Variants in ARHGEF40 observed in about 807,000 individuals in gnomAD.
ARHGEF40 encodes Rho guanine nucleotide exchange factor 40, also known as Rho guanine nucleotide exchange factor (GEF) 40.
ARHGEF40 carries 98 observed loss-of-function variants against 165.9 expected under a neutral mutation model. The ratio of observed to expected loss-of-function variants is 0.59; its 90% CI spans 0.50 to 0.70. The LOEUF (loss-of-function observed/expected upper bound fraction) is 0.70. Among genes scored for constraint, ARHGEF40 ranks in the 30% least tolerant of loss-of-function variants. The pLI, the probability that ARHGEF40 is intolerant of heterozygous loss-of-function variation, is 0.00. For missense variants in ARHGEF40, 1,815 were observed against 1,968.0 expected (o/e 0.92, Z 1.47); for synonymous variants, 792 against 814.3 (o/e 0.97, Z 0.47).
upstream of ARHGEF40, among the ~76,000 whole-genome samples, chr14:21,066,742 GGCAAGA>G (rs1405294538): frequency 2.0e-5 from 3 of 152,232 alleles, no homozygotes; most frequent in Admixed American, 1.3e-4. Context: ...TGCTAGCACA[GGCAAGA>G]TGCTGGTGGT....
chr14:21,066,557 C>T (rs1566513031), upstream of ARHGEF40, among the ~76,000 whole-genome samples: 1 of 152,178 alleles, frequency 6.6e-6, no homozygotes, highest in Non-Finnish European at 1.5e-5. Flanking sequence ...GATGGTGTTG[C>T]TCTCTTGACC....
At position 21,082,278 on chromosome 14, in the gene ARHGEF40, T is replaced by C; in HGVS notation, c.3286T>C (p.Cys1096Arg). 6.2e-7 allele frequency: 1 copy of C among 1,612,632 alleles called. No individual in the cohort carries two copies. Among genetic ancestry groups the C allele is most frequent in the South Asian group, 1.1e-5 (1 of 90,976 alleles). ...QQRLVSELIA[C>R]EQDYVATLSE... is the part of the protein sequence containing the mutation. ...GCGGCTGGTGTCTGAGCTGATTGCC[T>C]GTGAACAAGATTACGTGGCCACCTT... Residue 1096 changes from cysteine (C) to arginine (R), a missense_variant, in exon 15 of 24, where the codon TGT (cysteine) becomes CGT (arginine). By Grantham distance (180) the Cys-to-Arg change is radical. Transcript: ENST00000298694.
At position 21,081,685 on chromosome 14, in the gene ARHGEF40, C is replaced by T; in HGVS notation, c.2817C>T (p.Gly939=). 2 of 1,588,924 alleles carry T rather than the reference C, an allele frequency of 1.3e-6. No individual in the cohort carries two copies. The highest frequency in any genetic ancestry group is 8.6e-7 in the Non-Finnish European group (1 of 1,168,008). The change falls in exon 14 of 24, where the codon GGC becomes GGT. Residue 939 remains glycine, a synonymous_variant. Transcript: ENST00000298694. Reference sequence around the variant, plus strand: ...GCCCAGCAGCCCTGCGAGAATGGGGCCGCTGCCAGGCCCGCTGCCAAGAGC... The same window carrying T: ...GCCCAGCAGCCCTGCGAGAATGGGGTCGCTGCCAGGCCCGCTGCCAAGAGC... ...LGSPAALREW[G]RCQARCQELE... is the part of the protein sequence containing the mutation.
chr14:21,087,544 T>C lies in ARHGEF40; in HGVS notation c.4387+81T>C, dbSNP rs563971147. 31 of 1,548,564 alleles carry C rather than the reference T, an allele frequency of 2.0e-5. No homozygotes were observed. In the African/African-American group the frequency reaches 4.0e-4, roughly 20 times the overall value. ...AGGCTGCTTGCTGCTGAGCAATTCC[T>C]TTTTCTAGCCAAGAAGCCCAGTTGC... is the stretch of plus-strand genomic sequence containing the variant. On this transcript the variant is annotated intron_variant, in intron 21 of 23. Transcript: ENST00000298694.
Position 21,081,644 on chromosome 14 carries a change from G to C in ARHGEF40, c.2776G>C (p.Ala926Pro). The C allele has an allele frequency of 6.2e-7, 1 of 1,608,652 alleles. No homozygotes were observed. The highest frequency in any genetic ancestry group is 8.5e-7 in the Non-Finnish European group (1 of 1,178,212). ...CACCTTCCAGGAGATGCGGGCCCTG[G>C]CCCTGGACCTGGGCAGCCCAGCAGC... ...AGTFQEMRAL[A>P]LDLGSPAALR... The change falls in exon 14 of 24, where the codon GCC becomes CCC. Residue 926 changes from alanine (A) to proline (P), a missense_variant. Ala to Pro is a conservative substitution (Grantham distance 27). Coordinates refer to ENST00000298694, the MANE Select transcript of ARHGEF40 (RefSeq NM_018071.5).
Position 21,087,063 on chromosome 14 carries a change from G to GCC in ARHGEF40, c.4203_4204dup (p.Leu1402ProfsTer7). The GCC allele has an allele frequency of 6.2e-7, 1 of 1,608,608 alleles. No homozygotes were observed. Among genetic ancestry groups the GCC allele is most frequent in the Non-Finnish European group, 8.5e-7 (1 of 1,177,368 alleles). On this transcript the variant is annotated frameshift_variant, in exon 20 of 24. Coordinates refer to ENST00000298694, the MANE Select transcript of ARHGEF40 (RefSeq NM_018071.5). LOFTEE classifies it high-confidence loss of function. The stretch of plus-strand genomic sequence containing the variant: ...GAATAAACCCTTCCTGGACATCAAA[G>GCC]CCCTTGGGGAGCGGACGCTGAGTGC...
chr14:21,082,410 C>T lies in ARHGEF40; in HGVS notation c.3418C>T (p.His1140Tyr). 1.2e-6 allele frequency: 2 copies of T among 1,611,466 alleles called. No homozygotes were observed. Among genetic ancestry groups the T allele is most frequent in the South Asian group, 2.2e-5 (2 of 91,036 alleles). Residue 1140 changes from histidine (H) to tyrosine (Y), a missense_variant, in exon 15 of 24, where the codon CAC (histidine) becomes TAC (tyrosine). By Grantham distance (83) the His-to-Tyr change is moderately conservative (BLOSUM62 2). Coordinates refer to ENST00000298694, the MANE Select transcript of ARHGEF40 (RefSeq NM_018071.5). ...RERLRSFHRT[H>Y]FLRELQGCAT... is the part of the protein sequence containing the mutation. ...AAGGCTTCGCAGCTTCCACCGGACA[C>T]ACTTTCTGCGGGAGCTTCAGGGCTG...
At chr14:21,081,155 C>T (rs1887857544) in intron 13 of ARHGEF40, 139 bp downstream of exon 13, 1 of 1,355,908 alleles carries the variant, frequency 7.4e-7, no homozygotes, top group African/African-American at 1.5e-5. Context: ...GCTCTGCCAC[C>T]TCCTTGCTGA....
In ARHGEF40 at chr14:21,074,971, T is replaced by C. The variant is rs1179091947; in HGVS notation, c.1241T>C (p.Leu414Pro). The C allele has an allele frequency of 1.2e-6, 2 of 1,611,238 alleles. No individual in the cohort carries two copies. The highest frequency in any genetic ancestry group is 2.7e-5 in the African/African-American group (2 of 74,580). The change falls in exon 3 of 24, where the codon CTT (leucine) becomes CCT (proline). Residue 414 changes from leucine (L) to proline (P), a missense_variant. Physicochemically the swap from Leu to Pro is moderately conservative, Grantham distance 98 (BLOSUM62 -3). Transcript: ENST00000298694. The surrounding 1 kb of genome is among the most constrained non-coding windows in gnomAD (Gnocchi z 4.8). ...DKEDASHQEA[L>P]GNLPSPSEHK... The stretch of plus-strand genomic sequence containing the variant: ...GAAGATGCCAGCCACCAAGAAGCCC[T>C]TGGCAATCTGCCCTCACCAAGTGAG...
At chr14:21,076,952 C>T (rs1456539524) in intron 8 of ARHGEF40, 62 bp downstream of exon 8, 5 of 1,428,042 alleles carry the variant, frequency 3.5e-6, no homozygotes, top group Non-Finnish European at 4.9e-6. Flanking sequence ...TGAAGACATT[C>T]TAGGAGAGAG....
intron 8 of ARHGEF40, 91 bp from the exon 9 acceptor site, chr14:21,078,086 A>G: frequency 8.5e-7 from 1 of 1,181,538 alleles, no homozygotes; most frequent in Non-Finnish European, 1.2e-6. Context: ...TGCCTCCATA[A>G]AAGTCTCTGG....
At chr14:21,080,550 T>C in intron 11 of ARHGEF40, 110 bp from the exon 12 acceptor site, 1 of 1,237,582 alleles carries the variant, frequency 8.1e-7, no homozygotes, top group Non-Finnish European at 1.1e-6. Flanking sequence ...TGAGATGCAA[T>C]AGTTCACTCA....
chr14:21,070,671 C>A lies in ARHGEF40; in HGVS notation c.3+272C>A, dbSNP rs58394869. ...GGTCTCTCCCCTAATCCACACACCT[C>A]CCCGCTCCCCGCCCTCCTCTGTCCT... On this transcript the variant is annotated intron_variant, in intron 1 of 23. Coordinates refer to ENST00000298694, the MANE Select transcript of ARHGEF40 (RefSeq NM_018071.5). This position sits in a 1 kb window ranked among gnomAD's most constrained non-coding sequence, Gnocchi z 4.7. 6.6e-6 allele frequency among the ~76,000 whole-genome samples: 1 copy of A among 152,254 alleles called. No individual in the cohort carries two copies. The highest frequency in any genetic ancestry group is 2.4e-5 in the African/African-American group (1 of 41,560).
At chr14:21,080,625 C>G (rs1317807618) in intron 11 of ARHGEF40, 35 bp from the exon 12 acceptor site, 32 of 1,593,382 alleles carry the variant, frequency 2.0e-5, no homozygotes, top group Non-Finnish European at 2.6e-5. Context: ...CTTTCCACTC[C>G]ATGACCCCCT....
At chr14:21,087,578 C>A in intron 21 of ARHGEF40, 115 bp downstream of exon 21, 1 of 1,411,298 alleles carries the variant, frequency 7.1e-7, no homozygotes, top group Non-Finnish European at 9.5e-7. Flanking sequence ...GCCATGACAA[C>A]TATGTACAGC....
intron 11 of ARHGEF40, among the ~76,000 whole-genome samples, chr14:21,079,869 G>A (rs1887732867): frequency 6.6e-6 from 1 of 152,126 alleles, no homozygotes; most frequent in African/African-American, 2.4e-5. Flanking sequence ...AGTCTAACGT[G>A]CTCAGCTTGA....
In ARHGEF40 at chr14:21,075,254, G is replaced by A. The variant is rs1887315932; in HGVS notation, c.1450+74G>A. 1 of 1,591,278 alleles carries A rather than the reference G, an allele frequency of 6.3e-7. No individual in the cohort carries two copies. Among genetic ancestry groups the A allele is most frequent in the Non-Finnish European group, 8.6e-7 (1 of 1,169,260 alleles). ...GGGCCTATGGGAGGGGGCAGGAGGA[G>A]GAGCAGGGTTAGGCTGGGAGCAGAA... is the stretch of plus-strand genomic sequence containing the variant. On this transcript the variant is annotated intron_variant, in intron 3 of 23. Transcript: ENST00000298694. The surrounding 1 kb of genome is among the most constrained non-coding windows in gnomAD (Gnocchi z 4.5).
chr14:21,084,145 A>C, intron 17 of ARHGEF40, 95 bp downstream of exon 17: 1 of 1,289,902 alleles, frequency 7.8e-7, no homozygotes, highest in Non-Finnish European at 1.1e-6. Context: ...GCTCCAGGTC[A>C]GAGGGCTCCA....
intron 19 of ARHGEF40, 58 bp downstream of exon 19, chr14:21,085,924 T>C: frequency 1.3e-6 from 2 of 1,589,940 alleles, no homozygotes; most frequent in South Asian, 1.1e-5. Flanking sequence ...CAGGAAGTTT[T>C]CTGGAGAGTG....
Sources: gnomAD v4.1 joint callset for allele counts (sites outside exome capture counted in the v4.1 genomes callset) on GRCh38, gnomAD v4.1.1 for gene constraint, Gnocchi (gnomAD v3.1) non-coding constraint, MANE v1.5 for transcripts, NCBI Gene and HGNC (gene_info 2026-07-23, HGNC 2026-07-21) for gene names.